Variants in SKI observed in about 807,000 individuals in gnomAD.
The protein encoded by SKI is ski oncogene.
In SKI, 23 loss-of-function variants were observed where a neutral mutation model predicts 59.3. The observed-to-expected ratio is 0.39, with a 90% CI of 0.28 to 0.55. SKI has a LOEUF of 0.55. Among genes scored for constraint, SKI ranks in the 20% least tolerant of loss-of-function variants. SKI has a pLI of 0.67. For synonymous variants in SKI, 673 were observed against 488.6 expected (o/e 1.38, Z -4.98); for missense variants, 1,017 against 1,038.9 (o/e 0.98, Z 0.29).
At chr1:2,259,652 C>T (rs573749613) in intron 1 of SKI, among the ~76,000 whole-genome samples, 56 of 152,332 alleles carry the variant, frequency 3.7e-4, no homozygotes, top group African/African-American at 1.3e-3. Flanking sequence ...AAAACCCTCG[C>T]TGCCGTCCAG....
intron 1 of SKI, among the ~76,000 whole-genome samples, chr1:2,258,122 C>T (rs908082064): frequency 1.3e-5 from 2 of 152,138 alleles, no homozygotes; most frequent in Non-Finnish European, 2.9e-5. Flanking sequence ...GGAAATATGG[C>T]AATACTGATT....
intron 1 of SKI, among the ~76,000 whole-genome samples, chr1:2,265,606 C>CA (rs2100845427): frequency 6.6e-6 from 1 of 152,316 alleles, no homozygotes; most frequent in South Asian, 2.1e-4. Flanking sequence ...TTGTGGTCCA[C>CA]ATTTTCTTGC....
intron 1 of SKI, among the ~76,000 whole-genome samples, chr1:2,297,789 A>T (rs115555825): frequency 9.9e-4 from 151 of 152,244 alleles, no homozygotes; most frequent in African/African-American, 3.4e-3. Flanking sequence ...CTGCATGCTG[A>T]GGAGAGGAGG....
chr1:2,303,805 A>G lies in SKI; in HGVS notation c.1212-35A>G. On this transcript the variant is annotated intron_variant, in intron 3 of 6. Coordinates refer to ENST00000378536, the MANE Select transcript of SKI (RefSeq NM_003036.4). The surrounding 1 kb of genome is among the most constrained non-coding windows in gnomAD (Gnocchi z 5.6). ...ATGTGTCTGGGTGGTGCTTGGGGAC[A>G]GAGGCACCTTCCCGACACCCGCCTG... is the stretch of plus-strand genomic sequence containing the variant. 3.1e-6 allele frequency: 5 copies of G among 1,610,334 alleles called. No homozygotes were observed. Among genetic ancestry groups the G allele is most frequent in the Non-Finnish European group, 4.2e-6 (5 of 1,179,158 alleles).
In SKI at chr1:2,229,939, C is replaced by T. The variant is rs536046304; in HGVS notation, c.969+204C>T. Reference sequence around the variant, plus strand: ...GGTAGGAAGGCCCTCCTGCCCGTTCCCCAGGACGAGCCTGGAGTGCGGGCT... The same window carrying T: ...GGTAGGAAGGCCCTCCTGCCCGTTCTCCAGGACGAGCCTGGAGTGCGGGCT... On this transcript the variant is annotated intron_variant, in intron 1 of 6. Transcript: ENST00000378536. This position sits in a 1 kb window ranked among gnomAD's most constrained non-coding sequence, Gnocchi z 6.3. 2.8e-4 allele frequency among the ~76,000 whole-genome samples: 43 copies of T among 152,288 alleles called. No individual in the cohort carries two copies. The highest frequency in any genetic ancestry group is 4.9e-4 in the Non-Finnish European group (33 of 68,018).
In SKI at chr1:2,303,351, G is replaced by T; in HGVS notation, c.1162G>T (p.Ala388Ser). The T allele has an allele frequency of 6.2e-7, 1 of 1,613,812 alleles. No homozygotes were observed. The highest frequency in any genetic ancestry group is 1.1e-5 in the South Asian group (1 of 91,086). The change falls in exon 3 of 7, where the codon GCG (alanine) becomes TCG (serine). Residue 388 changes from alanine (A) to serine (S), a missense_variant. Coordinates refer to ENST00000378536, the MANE Select transcript of SKI (RefSeq NM_003036.4). The surrounding 1 kb of genome is among the most constrained non-coding windows in gnomAD (Gnocchi z 5.6). The stretch of plus-strand genomic sequence containing the variant: ...CCGACCCTGGTCCCCCGCAGTGTCA[G>T]CGAGTGAGAAAGAGCTCTCCCCACA... ...AFRPWSPAVS[A>S]SEKELSPHLP...
rs1478077517 is a variant in SKI, at chr1:2,304,600, T to C, written c.1767+15T>C. 1 of 1,541,550 alleles carries C rather than the reference T, an allele frequency of 6.5e-7. No homozygotes were observed. Reference sequence around the variant, plus strand: ...GCCTCCACCAGGTGAGCGGGGCGAGTGGTGCTGGGAGGTCCAGGGCACGGG... The same window carrying C: ...GCCTCCACCAGGTGAGCGGGGCGAGCGGTGCTGGGAGGTCCAGGGCACGGG... On this transcript the variant is annotated intron_variant, in intron 5 of 6. Transcript: ENST00000378536.
In SKI at chr1:2,309,314, A is replaced by C. The variant is rs1640684109; in HGVS notation, c.*2549A>C. 6.6e-6 allele frequency: 1 copy of C among 152,146 alleles called. No individual in the cohort carries two copies. Among genetic ancestry groups the C allele is most frequent in the Admixed American group, 6.5e-5 (1 of 15,282 alleles). The allele number at this position is 152,146 out of a possible 1,614,324, so 9.4% of individuals were successfully genotyped here. ...TGATTGTGTATTCAGTTTAATTCTCATTATATTTCTATACTGAAAGAAGAT... is the reference window on the plus strand; with the variant it reads ...TGATTGTGTATTCAGTTTAATTCTCCTTATATTTCTATACTGAAAGAAGAT... On this transcript the variant is annotated 3_prime_UTR_variant, in exon 7 of 7. Transcript: ENST00000378536.
chr1:2,286,468 C>A (rs533873127), intron 1 of SKI, among the ~76,000 whole-genome samples: 1 of 152,316 alleles, frequency 6.6e-6, no homozygotes, highest in East Asian at 1.9e-4. Context: ...CGCACTCAGC[C>A]TGGGTGACAG....
chr1:2,246,617 C>T lies in SKI; in HGVS notation c.969+16882C>T, dbSNP rs547710630. On this transcript the variant is annotated intron_variant, in intron 1 of 6. Transcript: ENST00000378536. Reference sequence around the variant, plus strand: ...TGTGCAGCGCTGTCTGCAAGTCAGACTCCCCACCCCTCCTTTGTGCGAGCT... The same window carrying T: ...TGTGCAGCGCTGTCTGCAAGTCAGATTCCCCACCCCTCCTTTGTGCGAGCT... 9.4e-4 allele frequency among the ~76,000 whole-genome samples: 143 copies of T among 152,262 alleles called. 1 individual carries two copies. The highest frequency in any genetic ancestry group is 3.4e-3 in the Middle Eastern group (1 of 294).
chr1:2,303,622 C>T lies in SKI; in HGVS notation c.1212-218C>T, dbSNP rs1365432526. On this transcript the variant is annotated intron_variant, in intron 3 of 6. Coordinates refer to ENST00000378536, the MANE Select transcript of SKI (RefSeq NM_003036.4). This position sits in a 1 kb window ranked among gnomAD's most constrained non-coding sequence, Gnocchi z 5.6. ...CGTGGGTGGAGCCCTGTCTGCTGGG[C>T]GCAGCTTCTTGATGTGTTGGCCTGT... 5.6e-6 allele frequency: 4 copies of T among 711,202 alleles called. No homozygotes were observed. The highest frequency in any genetic ancestry group is 1.8e-5 in the South Asian group (1 of 54,924). The allele number at this position is 711,202 out of a possible 1,614,324, so 44.1% of individuals were successfully genotyped here. A position where few individuals can be genotyped will look rare whatever the true frequency, so the allele number is the denominator to read the frequency against.
chr1:2,245,635 C>T (rs1172776982), intron 1 of SKI, among the ~76,000 whole-genome samples: 1 of 151,654 alleles, frequency 6.6e-6, no homozygotes, highest in African/African-American at 2.4e-5. Context: ...GCCACCATGC[C>T]CAGCTGATTT....
chr1:2,253,624 G>A (rs1336721444), intron 1 of SKI, among the ~76,000 whole-genome samples: 4 of 152,214 alleles, frequency 2.6e-5, no homozygotes, highest in Admixed American at 6.6e-5. Flanking sequence ...TCTTCCCAGC[G>A]CGTGTGCACT....
Position 2,269,179 on chromosome 1 carries a change from T to C in SKI, c.970-33799T>C, listed in dbSNP as rs1260052531. ...CCAGGCTGGTCTAGAACTCCTGGGC[T>C]CAAGCGATCCTCCTGCTTCAGCCTC... On this transcript the variant is annotated intron_variant, in intron 1 of 6. Coordinates refer to ENST00000378536, the MANE Select transcript of SKI (RefSeq NM_003036.4). This position sits in a 1 kb window ranked among gnomAD's most constrained non-coding sequence, Gnocchi z 4.7. Among the ~76,000 whole-genome samples the C allele has an allele frequency of 1.3e-5, 2 of 152,150 alleles. No individual in the cohort carries two copies. Among genetic ancestry groups the C allele is most frequent in the Non-Finnish European group, 2.9e-5 (2 of 68,024 alleles).
At chr1:2,297,664 T>C (rs773942522) in intron 1 of SKI, among the ~76,000 whole-genome samples, 25 of 152,202 alleles carry the variant, frequency 1.6e-4, no homozygotes, top group Non-Finnish European at 3.1e-4. Context: ...CAGAGACGAA[T>C]TGGCGCTCAC....
chr1:2,254,431 C>T (rs1639230630), intron 1 of SKI, among the ~76,000 whole-genome samples: 1 of 152,184 alleles, frequency 6.6e-6, no homozygotes, highest in African/African-American at 2.4e-5. Context: ...ATGGCAATGC[C>T]TCATCCTAGG....
intron 1 of SKI, among the ~76,000 whole-genome samples, chr1:2,261,973 A>T (rs1639397055): frequency 8.8e-6 from 1 of 114,142 alleles, no homozygotes; most frequent in Non-Finnish European, 1.7e-5. Context: ...CCTGGTCTGG[A>T]AGGCGTGGAA....
Position 2,268,411 on chromosome 1 carries a change from G to A in SKI, c.970-34567G>A, listed in dbSNP as rs565195847. 8.1e-4 allele frequency among the ~76,000 whole-genome samples: 123 copies of A among 152,200 alleles called. No homozygotes were observed. The highest frequency in any genetic ancestry group is 1.5e-3 in the Non-Finnish European group (105 of 68,026). ...CACCCGTGCTTCCTGCAGGCTCTGC[G>A]TGGCGCTGATGGAGGGCCTCTTGTT... On this transcript the variant is annotated intron_variant, in intron 1 of 6. Coordinates refer to ENST00000378536, the MANE Select transcript of SKI (RefSeq NM_003036.4). This position sits in a 1 kb window ranked among gnomAD's most constrained non-coding sequence, Gnocchi z 5.0.
Position 2,306,846 on chromosome 1 carries a change from C to G in SKI, c.*81C>G. ...TGGGCGGTGCAGCTCCGCCCGGCTC[C>G]GCCCCTGCAGCCCACACAGCACAAC... is the stretch of plus-strand genomic sequence containing the variant. On this transcript the variant is annotated 3_prime_UTR_variant, in exon 7 of 7. Coordinates refer to ENST00000378536, the MANE Select transcript of SKI (RefSeq NM_003036.4). The G allele has an allele frequency of 1.0e-6, 1 of 988,244 alleles. No homozygotes were observed. The highest frequency in any genetic ancestry group is 2.3e-5 in the South Asian group (1 of 43,760). 61.2% of individuals were successfully genotyped at this position (988,244 alleles called of 1,614,324 possible).
Sources: gnomAD v4.1 joint callset for allele counts (sites outside exome capture counted in the v4.1 genomes callset) on GRCh38, gnomAD v4.1.1 for gene constraint, Gnocchi (gnomAD v3.1) non-coding constraint, MANE v1.5 for transcripts, NCBI Gene and HGNC (gene_info 2026-07-23, HGNC 2026-07-21) for gene names.